The following GRIN2B variants were observed in gnomAD, a reference collection of about 807,000 sequenced individuals.
GRIN2B encodes glutamate receptor ionotropic, NMDA 2B.
Under a neutral mutation model 114.5 loss-of-function variants are expected in GRIN2B, and 5 were observed. The observed-to-expected ratio is 0.04, with a 90% CI of 0.02 to 0.09. The LOEUF is 0.09. Among genes scored for constraint, GRIN2B ranks in the 10% least tolerant of loss-of-function variants. GRIN2B has a pLI of 1.00. For missense variants in GRIN2B, 1,108 were observed against 1,943.5 expected (o/e 0.57, Z 8.08); for synonymous variants, 787 against 745.1 (o/e 1.06, Z -0.92).
chr12:13,774,626 A>G (rs1477431981), intron 3 of GRIN2B, among the ~76,000 whole-genome samples: 2 of 152,208 alleles, frequency 1.3e-5, no homozygotes, highest in South Asian at 2.1e-4. Context: ...GTGCCATAAC[A>G]TGTGCAGTGC....
At chr12:13,597,829 C>A (rs1475625045) in intron 10 of GRIN2B, among the ~76,000 whole-genome samples, 1 of 152,168 alleles carries the variant, frequency 6.6e-6, no homozygotes, top group Admixed American at 6.5e-5. Flanking sequence ...AACAGTAGAA[C>A]CATATGTGAA....
intron 2 of GRIN2B, among the ~76,000 whole-genome samples, chr12:13,933,560 A>C (rs1442189944): frequency 6.6e-6 from 1 of 152,098 alleles, no homozygotes; most frequent in Non-Finnish European, 1.5e-5. Flanking sequence ...AATGCAACCC[A>C]CTAGCCATTC....
intron 2 of GRIN2B, among the ~76,000 whole-genome samples, chr12:13,938,351 T>C (rs1281698742): frequency 6.6e-6 from 1 of 152,096 alleles, no homozygotes; most frequent in African/African-American, 2.4e-5. Context: ...TAAAGGAATA[T>C]ATGGGTTAAA....
chr12:13,888,308 C>T (rs763087630), intron 2 of GRIN2B, among the ~76,000 whole-genome samples: 2 of 152,038 alleles, frequency 1.3e-5, no homozygotes, highest in African/African-American at 2.4e-5. Context: ...TATTGCTCCT[C>T]GGCTACGAAC....
At chr12:13,734,501 C>T (rs1863147598) in intron 4 of GRIN2B, among the ~76,000 whole-genome samples, 1 of 152,134 alleles carries the variant, frequency 6.6e-6, no homozygotes, top group Admixed American at 6.6e-5. Context: ...CCAATGAATC[C>T]AAAGAGTCAT....
At chr12:13,915,688 C>A (rs1370882332) in intron 2 of GRIN2B, among the ~76,000 whole-genome samples, 3 of 152,180 alleles carry the variant, frequency 2.0e-5, no homozygotes, top group East Asian at 3.9e-4. Context: ...AGGTAAATAG[C>A]CACATAAGAC....
At chr12:13,982,125 T>G (rs1863153725), upstream of GRIN2B, among the ~76,000 whole-genome samples, 2 of 117,874 alleles carry the variant, frequency 1.7e-5, no homozygotes, top group Non-Finnish European at 3.6e-5. Flanking sequence ...AGTGGGGTGG[T>G]AAGGTGGATG....
Position 13,758,998 on chromosome 12 carries a change from A to ATTT in GRIN2B, c.412-5086_412-5084dup, listed in dbSNP as rs5796560. ...GAATTTGATGATCTCATCTAGTTCA[A>ATTT]TTTTTTTTTTTTTTTTTTTTTTTTT... is the stretch of plus-strand genomic sequence containing the variant. On this transcript the variant is annotated intron_variant, in intron 3 of 13. Transcript: ENST00000609686. Among the ~76,000 whole-genome samples, 308 of 85,630 alleles carry ATTT rather than the reference A, an allele frequency of 3.6e-3. 22 individuals are homozygous for ATTT. The highest frequency in any genetic ancestry group is 0.014 in the African/African-American group (283 of 20,384). 56.2% of individuals were successfully genotyped at this position (85,630 alleles called of 152,430 possible).
At chr12:13,707,621 TC>T (rs2136576132) in intron 4 of GRIN2B, among the ~76,000 whole-genome samples, 1 of 152,242 alleles carries the variant, frequency 6.6e-6, no homozygotes, top group East Asian at 1.9e-4. Flanking sequence ...TGAACACTTA[TC>T]AGATCTCTTG....
chr12:13,746,281 G>A (rs913887914), intron 4 of GRIN2B, among the ~76,000 whole-genome samples: 4 of 152,050 alleles, frequency 2.6e-5, no homozygotes, highest in Admixed American at 6.5e-5. Flanking sequence ...CATAACTTTC[G>A]CAGCCTGGCT....
chr12:13,878,843 G>A (rs1434440416), intron 2 of GRIN2B, among the ~76,000 whole-genome samples: 1 of 152,170 alleles, frequency 6.6e-6, no homozygotes, highest in East Asian at 1.9e-4. Flanking sequence ...AATGAGAAAT[G>A]TAAAAGCACT....
chr12:13,812,763 C>A (rs1864756268), intron 3 of GRIN2B, among the ~76,000 whole-genome samples: 1 of 151,928 alleles, frequency 6.6e-6, no homozygotes, highest in Non-Finnish European at 1.5e-5. Context: ...ATTATAGACA[C>A]AAGGTATTTA....
intron 2 of GRIN2B, among the ~76,000 whole-genome samples, chr12:13,908,140 A>T (rs117084812): frequency 0.014 from 2,107 of 151,526 alleles, 25 homozygotes; most frequent in Middle Eastern, 0.034. Context: ...CATTCAAGTT[A>T]TTCTGAAAGC....
In GRIN2B at chr12:13,956,316, A is replaced by G. The variant is rs142514745; in HGVS notation, c.-19+23612T>C. Among the ~76,000 whole-genome samples, 567 of 152,358 alleles carry G rather than the reference A, an allele frequency of 3.7e-3. 7 individuals are homozygous for G. Among genetic ancestry groups the G allele is most frequent in the African/African-American group, 0.013 (521 of 41,584 alleles). ...CGCTGCGGAGGAAAACAAGGACTTCATTCTGCACGCAATAATGAGCCATTA... is the reference window on the plus strand; with the variant it reads ...CGCTGCGGAGGAAAACAAGGACTTCGTTCTGCACGCAATAATGAGCCATTA... On this transcript the variant is annotated intron_variant, in intron 2 of 13. Coordinates refer to ENST00000609686, the MANE Select transcript of GRIN2B (RefSeq NM_000834.5).
chr12:13,607,272 A>T (rs1428936929), intron 10 of GRIN2B, among the ~76,000 whole-genome samples: 1 of 26,034 alleles, frequency 3.8e-5, no homozygotes, highest in Non-Finnish European at 7.2e-5. Flanking sequence ...ATAATATATA[A>T]AATATATAAT....
chr12:13,807,193 AGGT>A (rs933983430), intron 3 of GRIN2B, among the ~76,000 whole-genome samples: 1 of 152,154 alleles, frequency 6.6e-6, no homozygotes, highest in African/African-American at 2.4e-5. Context: ...TATGAAAAAA[AGGT>A]GGTTGGATTA....
intron 3 of GRIN2B, among the ~76,000 whole-genome samples, chr12:13,775,406 G>A (rs1235727312): frequency 1.3e-5 from 2 of 152,190 alleles, no homozygotes; most frequent in Non-Finnish European, 2.9e-5. Context: ...TAACTGTGAA[G>A]TGAGTTAGGA....
intron 5 of GRIN2B, among the ~76,000 whole-genome samples, chr12:13,656,027 C>T (rs377235567): frequency 3.3e-5 from 5 of 152,256 alleles, no homozygotes; most frequent in African/African-American, 1.2e-4. Context: ...TTTTTCTTTA[C>T]CTTTCCCTCT....
intron 3 of GRIN2B, among the ~76,000 whole-genome samples, chr12:13,799,770 A>C (rs546413223): frequency 6.6e-6 from 1 of 152,114 alleles, no homozygotes; most frequent in South Asian, 2.1e-4. Flanking sequence ...TTTCTGAGAA[A>C]AATTGACTGT....
Sources: gnomAD v4.1 joint callset for allele counts (sites outside exome capture counted in the v4.1 genomes callset) on GRCh38, gnomAD v4.1.1 for gene constraint, MANE v1.5 for transcripts, NCBI Gene and HGNC (gene_info 2026-07-23, HGNC 2026-07-21) for gene names.